The following MBTPS1 variants were observed in gnomAD, a reference collection of about 807,000 sequenced individuals.
MBTPS1 encodes membrane bound transcription factor peptidase, site 1.
In MBTPS1, 94 loss-of-function variants were observed where a neutral mutation model predicts 127.8. The ratio of observed to expected loss-of-function variants is 0.74; its 90% CI spans 0.62 to 0.87. The LOEUF (loss-of-function observed/expected upper bound fraction) is 0.87. Ranked by LOEUF, MBTPS1 falls within the 40% of genes least tolerant of loss-of-function variation. The pLI, the probability that MBTPS1 is intolerant of heterozygous loss-of-function variation, is 0.00. For synonymous variants in MBTPS1, 632 were observed against 509.4 expected, an observed-to-expected ratio of 1.24 and a Z score of -3.24; for missense variants, 1,636 against 1,353.2, an observed-to-expected ratio of 1.21 and a Z score of -3.28.
At position 84,063,378 on chromosome 16, in the gene MBTPS1, A is replaced by C; in HGVS notation, c.2499T>G (p.Ile833Met). Reference sequence around the variant, plus strand: ...CAATCCGGCCTCCACCCTCAGCTGGAATCTGATAAAGTCCCAAAATGGGGA... The same window carrying C: ...CAATCCGGCCTCCACCCTCAGCTGGCATCTGATAAAGTCCCAAAATGGGGA... The part of the protein sequence containing the change: ...ENVPILGLYQ[I>M]PAEGGGRIVL... Residue 833 changes from isoleucine to methionine, a missense_variant, in exon 19 of 23, where the codon ATT becomes ATG. By Grantham distance (10) the Ile-to-Met change is conservative. Coordinates refer to ENST00000343411, the MANE Select transcript of MBTPS1 (RefSeq NM_003791.4). The C allele has an allele frequency of 1.2e-6, 2 of 1,614,152 alleles. No homozygotes were observed. Among genetic ancestry groups the C allele is most frequent in the Non-Finnish European group, 1.7e-6 (2 of 1,179,976 alleles).
chr16:84,082,117 G>C, intron 10 of MBTPS1: 1 of 381,252 alleles, frequency 2.6e-6, no homozygotes, highest in Non-Finnish European at 4.6e-6. Context: ...AACCTTCTAC[G>C]GGACCCACTT....
Position 84,059,332 on chromosome 16 carries a change from T to A in MBTPS1, c.2801A>T (p.Lys934Met), listed in dbSNP as rs1032545980. The A allele has an allele frequency of 2.5e-6, 4 of 1,613,960 alleles. No individual in the cohort carries two copies. In the African/African-American group the frequency reaches 4.0e-5, roughly 16 times the overall value. ...LPACPRLSWA[K>M]PQPLNETAPS... ...CGCCGTCTCGTTTAAAGGCTGTGGCTTGGCCCAAGACAAGCGTGGACAGGC... is the reference window on the plus strand; with the variant it reads ...CGCCGTCTCGTTTAAAGGCTGTGGCATGGCCCAAGACAAGCGTGGACAGGC... The change falls in exon 21 of 23, where the codon AAG becomes ATG. Residue 934 changes from lysine (K) to methionine (M), a missense_variant. Transcript: ENST00000343411.
At chr16:84,093,657 A>T in intron 5 of MBTPS1, 54 bp downstream of exon 5, 1 of 1,209,932 alleles carries the variant, frequency 8.3e-7, no homozygotes, top group Admixed American at 1.8e-5. Context: ...ATCATGCACT[A>T]AACACACTCT....
chr16:84,091,836 A>C lies in MBTPS1; in HGVS notation c.859T>G (p.Ser287Ala). 6.3e-7 allele frequency: 1 copy of C among 1,588,392 alleles called. No individual in the cohort carries two copies. The highest frequency in any genetic ancestry group is 8.6e-7 in the Non-Finnish European group (1 of 1,156,518). Reference sequence around the variant, plus strand: ...TAGTTGAAGGCGTCCAAAAACCAAGATGTGTAAGATACCTAGTTAAATATT... The same window carrying C: ...TAGTTGAAGGCGTCCAAAAACCAAGCTGTGTAAGATACCTAGTTAAATATT... ...VFTNNQVSYT[S>A]WFLDAFNYAI... The change falls in exon 7 of 23, where the codon TCT (serine) becomes GCT (alanine). Residue 287 changes from serine to alanine, a missense_variant. Physicochemically the swap from Ser to Ala is moderately conservative, Grantham distance 99. Coordinates refer to ENST00000343411, the MANE Select transcript of MBTPS1 (RefSeq NM_003791.4).
rs117804967 is a variant in MBTPS1 at position 84,058,875 on chromosome 16, A to G, written c.2831+427T>C. On this transcript the variant is annotated intron_variant, in intron 21 of 22. Transcript: ENST00000343411. ...TCAGCACAGGACGTAATGACACAGA[A>G]GCATGCTCTTCTTGGACAGGCTGCA... Among the ~76,000 whole-genome samples the G allele has an allele frequency of 9.3e-4, 141 of 152,260 alleles. No individual in the cohort carries two copies. The East Asian group carries it at 0.012, about 13-fold the overall frequency.
intron 11 of MBTPS1, among the ~76,000 whole-genome samples, chr16:84,078,971 G>C (rs767207142): frequency 6.6e-6 from 1 of 152,234 alleles, no homozygotes; most frequent in Admixed American, 6.5e-5. Context: ...TCACGCTGAC[G>C]TGTAATCCCC....
intron 19 of MBTPS1, among the ~76,000 whole-genome samples, chr16:84,063,075 GCAT>G (rs2151142896): frequency 1.3e-5 from 2 of 152,392 alleles, no homozygotes; most frequent in East Asian, 3.9e-4. Flanking sequence ...TGGAGAAGAG[GCAT>G]CATGGCCCCA....
At chr16:84,094,170 C>A (rs1191810721) in intron 4 of MBTPS1, among the ~76,000 whole-genome samples, 2 of 152,106 alleles carry the variant, frequency 1.3e-5, no homozygotes, top group Non-Finnish European at 2.9e-5. Context: ...CCTACTGATA[C>A]TCCCCTTCTG....
intron 12 of MBTPS1, among the ~76,000 whole-genome samples, chr16:84,072,891 TG>T (rs1034729880): frequency 3.9e-5 from 6 of 152,212 alleles, no homozygotes; most frequent in African/African-American, 1.4e-4. Flanking sequence ...GGACAGAATT[TG>T]GTAGGATGTG....
rs2086297201 is a variant in MBTPS1 at position 84,104,490 on chromosome 16, A to AAAG, written c.-324-2386_-324-2384dup. Among the ~76,000 whole-genome samples, 3 of 151,528 alleles carry AAAG rather than the reference A, an allele frequency of 2.0e-5. No homozygotes were observed. In the South Asian group the frequency reaches 6.3e-4, roughly 32 times the overall value. On this transcript the variant is annotated intron_variant, in intron 1 of 22. Transcript: ENST00000343411. Reference sequence around the variant, plus strand: ...CTTAAAAAACAAACAAACAAACAAAAAAGCCTCTTAAAACTTTTCTGCCTC... The same window carrying AAAG: ...CTTAAAAAACAAACAAACAAACAAAAAAGAAGCCTCTTAAAACTTTTCTGCCTC...
Position 84,081,888 on chromosome 16 carries a change from AGCTCAC to A in MBTPS1, c.1301_1306del (p.Arg434_Glu435del). 1 of 1,448,710 alleles carries A rather than the reference AGCTCAC, an allele frequency of 6.9e-7. No homozygotes were observed. The highest frequency in any genetic ancestry group is 9.1e-7 in the Non-Finnish European group (1 of 1,094,512). The allele number at this position is 1,448,710 out of a possible 1,614,324, so 89.7% of individuals were successfully genotyped here. A position where few individuals can be genotyped will look rare whatever the true frequency, so the allele number is the denominator to read the frequency against. ...CTGCTTCATACTGGCGGGATTCACC[AGCTCAC>A]GCTTCTGGACTGTGCTGGAGGAAAA... is the stretch of plus-strand genomic sequence containing the variant. On this transcript the variant is annotated inframe_deletion, in exon 11 of 23. Coordinates refer to ENST00000343411, the MANE Select transcript of MBTPS1 (RefSeq NM_003791.4).
At chr16:84,105,141 G>A (rs924944194) in intron 1 of MBTPS1, among the ~76,000 whole-genome samples, 3 of 151,868 alleles carry the variant, frequency 2.0e-5, no homozygotes, top group Admixed American at 6.6e-5. Flanking sequence ...ACTCTCTAAG[G>A]TAATCAGTTC....
chr16:84,106,244 GA>G (rs1251376421), intron 1 of MBTPS1, among the ~76,000 whole-genome samples: 1 of 152,142 alleles, frequency 6.6e-6, no homozygotes, highest in Non-Finnish European at 1.5e-5. Context: ...GCAGTGAGTT[GA>G]GATCGTGCCA....
chr16:84,093,282 G>C lies in MBTPS1; in HGVS notation c.752C>G (p.Thr251Arg), dbSNP rs1217888719. ...RTLDDGLGHG[T>R]FVAGVIASMR... The stretch of plus-strand genomic sequence containing the variant: ...GCTGGCTATCACACCTGCCACGAAT[G>C]TGCCATGGCCCAACCCTGCAGTCCA... The change falls in exon 6 of 23, where the codon ACA becomes AGA. Residue 251 changes from threonine (T) to arginine (R), a missense_variant. Thr to Arg is a moderately conservative substitution (Grantham distance 71, BLOSUM62 -1). Coordinates refer to ENST00000343411, the MANE Select transcript of MBTPS1 (RefSeq NM_003791.4). 6.2e-7 allele frequency: 1 copy of C among 1,612,670 alleles called. No individual in the cohort carries two copies. The highest frequency in any genetic ancestry group is 1.3e-5 in the African/African-American group (1 of 74,894).
At chr16:84,097,737 G>A (rs1172057675) in intron 3 of MBTPS1, among the ~76,000 whole-genome samples, 2 of 152,060 alleles carry the variant, frequency 1.3e-5, no homozygotes, top group African/African-American at 4.8e-5. Context: ...TGCTTTTTAA[G>A]GAGAATAATA....
chr16:84,073,145 T>A (rs2085798062), intron 12 of MBTPS1, among the ~76,000 whole-genome samples: 1 of 152,228 alleles, frequency 6.6e-6, no homozygotes, highest in African/African-American at 2.4e-5. Context: ...AATTTTTCTT[T>A]TCTTTTTGAG....
intron 22 of MBTPS1, 122 bp from the exon 23 acceptor site, chr16:84,054,767 A>G: frequency 2.9e-6 from 2 of 695,250 alleles, no homozygotes; most frequent in Middle Eastern, 4.2e-4. Context: ...CTGGGCTTGC[A>G]GGGCATACAT....
chr16:84,093,998 G>C (rs1308267232), intron 4 of MBTPS1, among the ~76,000 whole-genome samples, 177 bp from the exon 5 acceptor site: 2 of 152,176 alleles, frequency 1.3e-5, no homozygotes, highest in African/African-American at 2.4e-5. Context: ...GCTGAGCCAA[G>C]GCTAAGAAAA....
chr16:84,105,682 A>T (rs1474337904), intron 1 of MBTPS1, among the ~76,000 whole-genome samples: 1 of 152,056 alleles, frequency 6.6e-6, no homozygotes, highest in African/African-American at 2.4e-5. Context: ...ACGAGGGGGG[A>T]AGAGAGGACC....
Sources: gnomAD v4.1 joint callset for allele counts (sites outside exome capture counted in the v4.1 genomes callset) on GRCh38, gnomAD v4.1.1 for gene constraint, MANE v1.5 for transcripts, NCBI Gene and HGNC (gene_info 2026-07-23, HGNC 2026-07-21) for gene names.